Variants in MMP16 observed in about 807,000 individuals in gnomAD.
The protein encoded by MMP16 is matrix metallopeptidase 16.
In MMP16, 12 loss-of-function variants were observed where a neutral mutation model predicts 67.8. That is an observed-to-expected ratio of 0.18 (90% CI 0.11 to 0.29). MMP16 has a LOEUF of 0.29. Ranked by LOEUF, MMP16 falls within the 10% of genes least tolerant of loss-of-function variation. The pLI is 1.00. For missense variants in MMP16, 475 were observed against 765.7 expected (o/e 0.62, Z 4.48); for synonymous variants, 249 against 255.9 (o/e 0.97, Z 0.26).
chr8:88,263,576 C>T (rs762000113), intron 1 of MMP16, among the ~76,000 whole-genome samples: 11 of 152,036 alleles, frequency 7.2e-5, no homozygotes, highest in South Asian at 4.2e-4. Flanking sequence ...TTTTGACAGC[C>T]GCAAGGAAAG....
chr8:88,209,319 TATG>T (rs755437987), intron 1 of MMP16, among the ~76,000 whole-genome samples: 8 of 152,138 alleles, frequency 5.3e-5, no homozygotes, highest in Non-Finnish European at 7.4e-5. Context: ...CGAAGACCTT[TATG>T]ATGATTTACT....
chr8:88,127,202 T>A (rs1807949009), intron 4 of MMP16, among the ~76,000 whole-genome samples: 1 of 151,334 alleles, frequency 6.6e-6, no homozygotes, highest in African/African-American at 2.4e-5. Context: ...TTTTGGAGAG[T>A]TTTGAATGCT....
chr8:88,180,278 T>C (rs2129735940), intron 3 of MMP16, among the ~76,000 whole-genome samples: 1 of 147,020 alleles, frequency 6.8e-6, no homozygotes, highest in East Asian at 2.0e-4. Flanking sequence ...TGAAACTCCG[T>C]CTCAAAAAAA....
chr8:88,147,015 T>C (rs1412497088), intron 4 of MMP16, among the ~76,000 whole-genome samples: 1 of 152,026 alleles, frequency 6.6e-6, no homozygotes, highest in African/African-American at 2.4e-5. Flanking sequence ...CTACAGATAG[T>C]AGAATTTTAA....
At chr8:88,242,577 C>T (rs973198074) in intron 1 of MMP16, among the ~76,000 whole-genome samples, 1 of 152,112 alleles carries the variant, frequency 6.6e-6, no homozygotes, top group African/African-American at 2.4e-5. Flanking sequence ...AGGGACAGTG[C>T]CACAGAAATG....
At chr8:88,160,943 G>T (rs1808609251) in intron 4 of MMP16, among the ~76,000 whole-genome samples, 1 of 152,172 alleles carries the variant, frequency 6.6e-6, no homozygotes, top group African/African-American at 2.4e-5. Flanking sequence ...GCTGGATTAG[G>T]TTTGCCAGTA....
At chr8:88,291,331 G>A in intron 1 of MMP16, among the ~76,000 whole-genome samples, 1 of 152,074 alleles carries the variant, frequency 6.6e-6, no homozygotes, top group East Asian at 1.9e-4. Flanking sequence ...AAGAGAAACA[G>A]AGGTTTAAGA....
At chr8:88,137,945 T>A (rs1160087626) in intron 4 of MMP16, among the ~76,000 whole-genome samples, 1 of 152,016 alleles carries the variant, frequency 6.6e-6, no homozygotes, top group Non-Finnish European at 1.5e-5. Context: ...TTATTGTATA[T>A]TTTTAGTTCT....
intron 6 of MMP16, among the ~76,000 whole-genome samples, chr8:88,093,057 A>G (rs999920883): frequency 2.6e-5 from 4 of 151,886 alleles, no homozygotes; most frequent in African/African-American, 9.7e-5. Context: ...GGCAATGCAG[A>G]CTGTTTATTG....
In MMP16 at chr8:88,040,345, T is replaced by G. The variant is rs1808114769; in HGVS notation, c.*1116A>C. On this transcript the variant is annotated 3_prime_UTR_variant, in exon 10 of 10. Coordinates refer to ENST00000286614, the MANE Select transcript of MMP16 (RefSeq NM_005941.5). ...GGATATCTGTTTTAAAAACCTGAAC[T>G]TCTTGAACTTGTGACTGTTTTTACC... 6.6e-6 allele frequency: 1 copy of G among 152,626 alleles called. No individual in the cohort carries two copies. Among genetic ancestry groups the G allele is most frequent in the Non-Finnish European group, 1.5e-5 (1 of 68,034 alleles). 9.5% of individuals were successfully genotyped at this position (152,626 alleles called of 1,614,324 possible). A position where few individuals can be genotyped will look rare whatever the true frequency, so the allele number is the denominator to read the frequency against.
At chr8:88,284,662 CGCT>C (rs975366591) in intron 1 of MMP16, among the ~76,000 whole-genome samples, 17 of 152,114 alleles carry the variant, frequency 1.1e-4, no homozygotes, top group African/African-American at 3.6e-4. Flanking sequence ...GCTAGAAGAA[CGCT>C]GCTAAGTGCT....
chr8:88,154,274 G>A (rs1433235039), intron 4 of MMP16, among the ~76,000 whole-genome samples: 3 of 139,084 alleles, frequency 2.2e-5, no homozygotes, highest in East Asian at 4.1e-4. Context: ...TGGTGGGACT[G>A]TAAACTAGTT....
intron 8 of MMP16, among the ~76,000 whole-genome samples, chr8:88,054,395 T>C (rs1317678080): frequency 1.3e-5 from 2 of 152,192 alleles, no homozygotes; most frequent in African/African-American, 4.8e-5. Flanking sequence ...AGTTATACCA[T>C]TTTAAAGAAT....
chr8:88,244,501 G>GT (rs747507382), intron 1 of MMP16, among the ~76,000 whole-genome samples: 2 of 152,220 alleles, frequency 1.3e-5, no homozygotes, highest in African/African-American at 2.4e-5. Flanking sequence ...CATAATACAT[G>GT]TAACAGTTTC....
At chr8:88,209,611 C>G (rs1296681583) in intron 1 of MMP16, among the ~76,000 whole-genome samples, 4 of 45,318 alleles carry the variant, frequency 8.8e-5, no homozygotes, top group Non-Finnish European at 1.5e-4. Flanking sequence ...TCTACTCTCT[C>G]TATGTATTTG....
intron 1 of MMP16, among the ~76,000 whole-genome samples, chr8:88,321,338 G>C (rs921053171): frequency 1.3e-5 from 2 of 152,074 alleles, no homozygotes; most frequent in Non-Finnish European, 2.9e-5. Context: ...CCCAAAAACT[G>C]TTAAAACTTA....
intron 1 of MMP16, among the ~76,000 whole-genome samples, chr8:88,248,067 A>G (rs1394499148): frequency 6.6e-6 from 1 of 152,056 alleles, no homozygotes; most frequent in East Asian, 1.9e-4. Flanking sequence ...TCCCCTATAT[A>G]CATACACCTC....
At chr8:88,053,152 T>C (rs1359351455) in intron 8 of MMP16, among the ~76,000 whole-genome samples, 1 of 152,116 alleles carries the variant, frequency 6.6e-6, no homozygotes, top group Non-Finnish European at 1.5e-5. Flanking sequence ...CTACTGAGAA[T>C]AGAATGTGCT....
At chr8:88,088,766 T>G in intron 6 of MMP16, among the ~76,000 whole-genome samples, 1 of 152,066 alleles carries the variant, frequency 6.6e-6, no homozygotes, top group Admixed American at 6.6e-5. Context: ...AACACACAAC[T>G]TGCTGTGGAG....
Sources: gnomAD v4.1 joint callset for allele counts (sites outside exome capture counted in the v4.1 genomes callset) on GRCh38, gnomAD v4.1.1 for gene constraint, MANE v1.5 for transcripts, NCBI Gene and HGNC (gene_info 2026-07-23, HGNC 2026-07-21) for gene names.